TANGO2: variants seen among roughly 807,000 people sequenced by gnomAD.
TANGO2 encodes transport and Golgi organization protein 2 homolog.
TANGO2 carries 26 observed loss-of-function variants against 39.1 expected under a neutral mutation model. The ratio of observed to expected loss-of-function variants is 0.67; its 90% confidence interval spans 0.49 to 0.92. The LOEUF is 0.92. Among genes scored for constraint, TANGO2 ranks in the 40% least tolerant of loss-of-function variants. The pLI, the probability that TANGO2 is intolerant of heterozygous loss-of-function variation, is 0.00. For missense variants in TANGO2, 326 were observed against 360.1 expected (o/e 0.91, Z 0.77); for synonymous variants, 131 against 144.5 (o/e 0.91, Z 0.67).
At chr22:20,033,843 T>C (rs561494966) in intron 1 of TANGO2, among the ~76,000 whole-genome samples, 2 of 152,366 alleles carry the variant, frequency 1.3e-5, no homozygotes, top group East Asian at 3.9e-4. Context: ...CTGCACCTGA[T>C]TGCTCTTAAA....
chr22:20,045,506 T>C (rs1396258821), intron 3 of TANGO2, among the ~76,000 whole-genome samples: 1 of 149,154 alleles, frequency 6.7e-6, no homozygotes, highest in African/African-American at 2.5e-5. Flanking sequence ...CTTCTTTTTT[T>C]TTTTTTTTTT....
At chr22:20,054,915 A>G (rs1453868548) in intron 5 of TANGO2, 1 of 152,272 alleles carries the variant, frequency 6.6e-6, no homozygotes, top group African/African-American at 2.4e-5. Context: ...TTTTGCCTGC[A>G]AACAGTCTCT....
At chr22:20,035,509 C>T (rs553874375) in intron 1 of TANGO2, among the ~76,000 whole-genome samples, 4 of 152,250 alleles carry the variant, frequency 2.6e-5, no homozygotes, top group Admixed American at 1.3e-4. Context: ...ATCTAATCTC[C>T]GTTCTGCACT....
At chr22:20,045,272 C>CA (rs695778) in intron 3 of TANGO2, among the ~76,000 whole-genome samples, 25,635 of 121,116 alleles carry the variant, frequency 0.21, 2,612 homozygotes, top group Middle Eastern at 0.32. Context: ...CCTGTCTTTA[C>CA]AAAAAAAAAA....
At chr22:20,026,188 A>G (rs982157904) in intron 1 of TANGO2, among the ~76,000 whole-genome samples, 12 of 152,364 alleles carry the variant, frequency 7.9e-5, no homozygotes, top group African/African-American at 2.4e-4. Flanking sequence ...TCATGAGGTC[A>G]GGAGTTCAAG....
In TANGO2 at chr22:20,065,631, C is replaced by T. The variant is rs11555967; in HGVS notation, c.*969C>T. ...CTGGGATTACAGGCGTGAGCCACCA[C>T]GCCTGGCCGAAAAACCCACTCTCAT... On this transcript the variant is annotated 3_prime_UTR_variant, in exon 9 of 9. Coordinates refer to ENST00000327374, the MANE Select transcript of TANGO2 (RefSeq NM_152906.7). 0.1 allele frequency: 15,436 copies of T among 152,284 alleles called. 1,495 individuals carry two copies. Among genetic ancestry groups the T allele is most frequent in the African/African-American group, 0.25 (10,426 of 41,422 alleles). 9.4% of individuals were successfully genotyped at this position (152,284 alleles called of 1,614,324 possible). A position where few individuals can be genotyped will look rare whatever the true frequency, so the allele number is the denominator to read the frequency against.
At chr22:20,043,968 A>T (rs2044539231) in intron 3 of TANGO2, among the ~76,000 whole-genome samples, 1 of 152,152 alleles carries the variant, frequency 6.6e-6, no homozygotes, top group African/African-American at 2.4e-5. Flanking sequence ...ATAGGGCAGA[A>T]GTAGGGGTGA....
chr22:20,021,075 G>T, upstream of TANGO2: 1 of 152,870 alleles, frequency 6.5e-6, no homozygotes, highest in South Asian at 2.0e-4. Flanking sequence ...GGGCGGTACT[G>T]GGCTGGCTGC....
At chr22:20,041,443 G>C (rs2043916940) in intron 2 of TANGO2, among the ~76,000 whole-genome samples, 1 of 151,950 alleles carries the variant, frequency 6.6e-6, no homozygotes, top group African/African-American at 2.4e-5. Flanking sequence ...CTCCCGAGTA[G>C]CTGGGACTAC....
At chr22:20,026,414 A>C (rs2146765952) in intron 1 of TANGO2, among the ~76,000 whole-genome samples, 1 of 148,960 alleles carries the variant, frequency 6.7e-6, no homozygotes, top group African/African-American at 2.5e-5. Flanking sequence ...AAAAAAAAAG[A>C]GCTTCACCAC....
intron 1 of TANGO2, among the ~76,000 whole-genome samples, chr22:20,023,354 C>A (rs544937862): frequency 1.3e-5 from 2 of 152,268 alleles, no homozygotes; most frequent in African/African-American, 4.8e-5. Flanking sequence ...GCTGGCCTGT[C>A]CCTGGCTTGT....
intron 6 of TANGO2, among the ~76,000 whole-genome samples, chr22:20,058,756 G>A (rs980221307): frequency 6.6e-5 from 10 of 152,132 alleles, no homozygotes; most frequent in African/African-American, 2.4e-4. Context: ...CATGGACTGA[G>A]GTGCTCTCTT....
At chr22:20,040,638 C>T (rs534406050) in intron 2 of TANGO2, among the ~76,000 whole-genome samples, 1 of 152,180 alleles carries the variant, frequency 6.6e-6, no homozygotes, top group African/African-American at 2.4e-5. Context: ...TTCTCCTGCC[C>T]GCTGGCCAGG....
chr22:20,022,912 G>C (rs1029105052), intron 1 of TANGO2, among the ~76,000 whole-genome samples: 2 of 152,236 alleles, frequency 1.3e-5, no homozygotes, highest in Non-Finnish European at 2.9e-5. Flanking sequence ...CTTTGGTGAC[G>C]TGTCAGTCAG....
At chr22:20,038,830 G>A (rs2147129801) in intron 2 of TANGO2, among the ~76,000 whole-genome samples, 1 of 152,250 alleles carries the variant, frequency 6.6e-6, no homozygotes, top group African/African-American at 2.4e-5. Context: ...CACCTCTGCA[G>A]CACTTTGGGA....
chr22:20,052,024 G>T (rs946151327), intron 3 of TANGO2, among the ~76,000 whole-genome samples: 2 of 152,202 alleles, frequency 1.3e-5, no homozygotes, highest in African/African-American at 4.8e-5. Flanking sequence ...TTTGGCGGGG[G>T]TGAAGGTCCT....
chr22:20,024,328 G>C (rs1314872232), intron 1 of TANGO2, among the ~76,000 whole-genome samples: 2 of 152,234 alleles, frequency 1.3e-5, no homozygotes, highest in African/African-American at 4.8e-5. Flanking sequence ...GACTCAGAGG[G>C]TTTCCTGACG....
At chr22:20,049,733 A>G (rs889831224) in intron 3 of TANGO2, among the ~76,000 whole-genome samples, 9 of 151,984 alleles carry the variant, frequency 5.9e-5, no homozygotes, top group African/African-American at 1.7e-4. Flanking sequence ...TATTTTGGCC[A>G]TCCCAGTTCC....
intron 1 of TANGO2, among the ~76,000 whole-genome samples, chr22:20,028,723 C>G (rs1174747188): frequency 6.6e-6 from 1 of 152,228 alleles, no homozygotes; most frequent in East Asian, 1.9e-4. Context: ...GAAGGGGAGG[C>G]TGGCAGTAGT....
Sources: allele counts gnomAD v4.1 joint callset (sites outside exome capture counted in the v4.1 genomes callset), GRCh38; gene constraint gnomAD v4.1.1; transcripts MANE v1.5; gene names NCBI Gene and HGNC (gene_info 2026-07-23, HGNC 2026-07-21).